TAFA2: variants seen among roughly 807,000 people sequenced by gnomAD.
TAFA2 encodes the protein TAFA chemokine like family member 2, also known as chemokine-like protein TAFA-2.
Under a neutral mutation model 18.8 loss-of-function variants are expected in TAFA2, and 7 were observed. That is an observed-to-expected ratio of 0.37 (90% CI 0.21 to 0.70). The LOEUF is 0.70. TAFA2 is among the 30% of genes least tolerant of loss of function. The probability of loss-of-function intolerance (pLI) is 0.53; values close to 1 mark genes in which losing one functional copy is unlikely to be tolerated. For synonymous variants in TAFA2, 60 were observed against 54.2 expected (o/e 1.11, Z -0.47); for missense variants, 122 against 158.1 (o/e 0.77, Z 1.23).
intron 1 of TAFA2, among the ~76,000 whole-genome samples, chr12:62,000,383 A>G (rs1361849851): frequency 1.4e-5 from 2 of 146,384 alleles, no homozygotes; most frequent in Non-Finnish European, 3.0e-5. Context: ...GCTGTGAACT[A>G]GATTCCATAC....
chr12:61,953,886 C>T (rs1878556351), intron 1 of TAFA2, among the ~76,000 whole-genome samples: 1 of 152,178 alleles, frequency 6.6e-6, no homozygotes, highest in Non-Finnish European at 1.5e-5. Flanking sequence ...ACTACACAGG[C>T]ATTTTTGAAA....
At chr12:62,121,449 A>T (rs1205653103) in intron 1 of TAFA2, among the ~76,000 whole-genome samples, 1 of 152,226 alleles carries the variant, frequency 6.6e-6, no homozygotes, top group African/African-American at 2.4e-5. Flanking sequence ...TAAATCTATT[A>T]GTTATGAGAA....
At chr12:62,254,218 A>T (rs2136996538) in intron 1 of TAFA2, among the ~76,000 whole-genome samples, 1 of 152,294 alleles carries the variant, frequency 6.6e-6, no homozygotes, top group Non-Finnish European at 1.5e-5. Context: ...GGAGGCAAAT[A>T]TTTTATAAAT....
chr12:61,906,574 G>T (rs556519859), intron 1 of TAFA2, among the ~76,000 whole-genome samples: 1 of 152,242 alleles, frequency 6.6e-6, no homozygotes, highest in African/African-American at 2.4e-5. Flanking sequence ...CAGTAAATTG[G>T]TACTGGGTAG....
At chr12:62,138,764 T>C (rs1440736376) in intron 1 of TAFA2, among the ~76,000 whole-genome samples, 1 of 152,208 alleles carries the variant, frequency 6.6e-6, no homozygotes, top group Non-Finnish European at 1.5e-5. Context: ...ACCAAAGGGC[T>C]CCTGCATGTC....
intron 1 of TAFA2, among the ~76,000 whole-genome samples, chr12:62,179,190 C>T (rs11174363): frequency 0.21 from 32,412 of 151,886 alleles, 4,472 homozygotes; most frequent in African/African-American, 0.4. Flanking sequence ...ATTAATGAAA[C>T]GCTTATTAAA....
At chr12:61,726,707 T>A (rs11174144) in intron 4 of TAFA2, among the ~76,000 whole-genome samples, 11,509 of 152,040 alleles carry the variant, frequency 0.076, 1,398 homozygotes, top group African/African-American at 0.26. Flanking sequence ...TATCTTTACC[T>A]ATTTGGATGT....
At chr12:61,790,296 T>C (rs979309695) in intron 2 of TAFA2, among the ~76,000 whole-genome samples, 9 of 151,940 alleles carry the variant, frequency 5.9e-5, no homozygotes, top group African/African-American at 2.2e-4. Context: ...ACTTTTTCTT[T>C]AACATCTGGA....
At chr12:62,048,162 C>G (rs1330892960) in intron 1 of TAFA2, among the ~76,000 whole-genome samples, 2 of 152,096 alleles carry the variant, frequency 1.3e-5, no homozygotes, top group Non-Finnish European at 2.9e-5. Context: ...AAGAACTGCC[C>G]GAGACTGAGT....
At position 62,184,017 on chromosome 12, in the gene TAFA2, T is replaced by A. The variant is rs577675873; in HGVS notation, c.-2+7242A>T. Among the ~76,000 whole-genome samples the A allele has an allele frequency of 2.2e-4, 34 of 152,276 alleles. No homozygotes were observed. In the East Asian group the frequency reaches 6.0e-3, roughly 27 times the overall value. On this transcript the variant is annotated intron_variant, in intron 1 of 4. Coordinates refer to ENST00000416284, the MANE Select transcript of TAFA2 (RefSeq NM_178539.5). ...AAAGCAACATTACTAAATTATAAGA[T>A]TAAATCTGATTCAATTTTATGTCCC...
intron 2 of TAFA2, among the ~76,000 whole-genome samples, chr12:61,794,044 A>C (rs1169015483): frequency 6.6e-6 from 1 of 151,960 alleles, no homozygotes; most frequent in Non-Finnish European, 1.5e-5. Context: ...GGTATAGAAA[A>C]CAACTTCCTA....
intron 1 of TAFA2, chr12:61,880,355 G>C (rs1252880192): frequency 5.9e-6 from 3 of 508,982 alleles, no homozygotes; most frequent in Middle Eastern, 6.0e-4. Flanking sequence ...CAGGGAGCTG[G>C]CCATTAAGGA....
At chr12:62,153,569 C>T (rs910888624) in intron 1 of TAFA2, among the ~76,000 whole-genome samples, 1 of 151,968 alleles carries the variant, frequency 6.6e-6, no homozygotes, top group African/African-American at 2.4e-5. Context: ...ACTTTGGAGG[C>T]TGAGGCAGGA....
intron 2 of TAFA2, among the ~76,000 whole-genome samples, chr12:61,844,662 T>C (rs1873328015): frequency 6.6e-6 from 1 of 152,178 alleles, no homozygotes; most frequent in Admixed American, 6.6e-5. Context: ...AGGAAGTCAC[T>C]GTGCTTCAAT....
At chr12:62,053,614 C>G (rs536407089) in intron 1 of TAFA2, among the ~76,000 whole-genome samples, 2 of 152,246 alleles carry the variant, frequency 1.3e-5, no homozygotes, top group African/African-American at 4.8e-5. Flanking sequence ...TTCTAGACTG[C>G]CAACAAAATG....
rs528788917 is a variant in TAFA2 at position 61,771,511 on chromosome 12, T to C, written c.107-16487A>G. 4.1e-4 allele frequency among the ~76,000 whole-genome samples: 62 copies of C among 151,646 alleles called. No individual in the cohort carries two copies. In the South Asian group the frequency reaches 0.012, roughly 29 times the overall value. On this transcript the variant is annotated intron_variant, in intron 2 of 4. Coordinates refer to ENST00000416284, the MANE Select transcript of TAFA2 (RefSeq NM_178539.5). The stretch of plus-strand genomic sequence containing the variant: ...ACAAGTCTCAATAAACTTAAGAAAA[T>C]TGAAATTATATCAAGTACTCTCTCT...
chr12:61,851,981 G>A (rs1592434773), intron 2 of TAFA2, among the ~76,000 whole-genome samples: 1 of 151,796 alleles, frequency 6.6e-6, no homozygotes, highest in South Asian at 2.1e-4. Flanking sequence ...GCCGAGGGGG[G>A]CAGAGCACCT....
intron 1 of TAFA2, among the ~76,000 whole-genome samples, chr12:62,127,634 G>A (rs1036018683): frequency 2.0e-5 from 3 of 152,012 alleles, no homozygotes; most frequent in African/African-American, 7.2e-5. Context: ...TAGGCTTTGA[G>A]GAGACCATGA....
intron 1 of TAFA2, among the ~76,000 whole-genome samples, chr12:62,159,062 G>C (rs1166156530): frequency 6.6e-6 from 1 of 152,168 alleles, no homozygotes. Flanking sequence ...TTAGAGTTCA[G>C]GCTGTTGACA....
Sources: gnomAD v4.1 joint callset for allele counts (sites outside exome capture counted in the v4.1 genomes callset) on GRCh38, gnomAD v4.1.1 for gene constraint, MANE v1.5 for transcripts, NCBI Gene and HGNC (gene_info 2026-07-23, HGNC 2026-07-21) for gene names.